The following KLHL5 variants were observed in gnomAD, a reference collection of about 807,000 sequenced individuals.
The protein encoded by KLHL5 is kelch-like protein 5.
In KLHL5, 48 loss-of-function variants were observed where a neutral mutation model predicts 77.7. The ratio of observed to expected loss-of-function variants is 0.62; its 90% CI spans 0.49 to 0.79. KLHL5 has a LOEUF of 0.79. Among genes scored for constraint, KLHL5 ranks in the 30% least tolerant of loss-of-function variants. The pLI, the probability that KLHL5 is intolerant of heterozygous loss-of-function variation, is 0.00. For synonymous variants in KLHL5, 260 were observed against 297.0 expected, an observed-to-expected ratio of 0.88 and a Z score of 1.28; for missense variants, 723 against 859.7, an observed-to-expected ratio of 0.84 and a Z score of 1.99.
chr4:39,054,388 G>A (rs1338666227), intron 1 of KLHL5, among the ~76,000 whole-genome samples: 2 of 152,218 alleles, frequency 1.3e-5, no homozygotes, highest in African/African-American at 4.8e-5. Context: ...TCTATAAGGA[G>A]TGGTGGGCTG....
the KLHL5 span, among the ~76,000 whole-genome samples, chr4:39,137,302 A>G: frequency 1.3e-5 from 2 of 151,988 alleles, no homozygotes; most frequent in African/African-American, 4.8e-5. Context: ...GAGAATAGCA[A>G]TAAACACACC....
chr4:39,101,943 CACACATAT>C (rs1414723588), intron 6 of KLHL5, among the ~76,000 whole-genome samples: 16 of 84,032 alleles, frequency 1.9e-4, no homozygotes, highest in East Asian at 4.3e-4. Context: ...CACATATATA[CACACATAT>C]ATATACACAC....
the KLHL5 span, among the ~76,000 whole-genome samples, chr4:39,132,531 C>T: frequency 1.3e-5 from 2 of 151,946 alleles, no homozygotes; most frequent in Admixed American, 1.3e-4. Flanking sequence ...CTCACTTGAG[C>T]CCAGGAGCAG....
chr4:39,110,438 A>C (rs1432994010), intron 8 of KLHL5, among the ~76,000 whole-genome samples: 2 of 152,102 alleles, frequency 1.3e-5, no homozygotes, highest in Admixed American at 6.6e-5. Context: ...GTTGAATCTC[A>C]AACAGTATCT....
At chr4:39,104,259 A>G (rs1721854438) in intron 7 of KLHL5, among the ~76,000 whole-genome samples, 2 of 152,188 alleles carry the variant, frequency 1.3e-5, no homozygotes, top group Admixed American at 6.5e-5. Flanking sequence ...TAAGGCAAAG[A>G]CACAGAGAAG....
chr4:39,101,890 A>G (rs1047544447), intron 6 of KLHL5, among the ~76,000 whole-genome samples: 2 of 145,478 alleles, frequency 1.4e-5, no homozygotes, highest in Non-Finnish European at 3.0e-5. Flanking sequence ...ACACACACAC[A>G]CACACATATA....
chr4:39,086,819 G>A (rs1720082926), intron 5 of KLHL5, 92 bp downstream of exon 5: 1 of 862,534 alleles, frequency 1.2e-6, no homozygotes, highest in Non-Finnish European at 1.8e-6. Flanking sequence ...ACGTGTAGGT[G>A]AAAAGATAGT....
At chr4:39,100,827 G>C (rs1721467463) in intron 6 of KLHL5, among the ~76,000 whole-genome samples, 1 of 152,012 alleles carries the variant, frequency 6.6e-6, no homozygotes, top group African/African-American at 2.4e-5. Context: ...GACCTATCCT[G>C]TTCAAGCTAT....
At chr4:39,055,219 A>G (rs892799139) in intron 1 of KLHL5, among the ~76,000 whole-genome samples, 1 of 152,230 alleles carries the variant, frequency 6.6e-6, no homozygotes, top group African/African-American at 2.4e-5. Flanking sequence ...TGCACATTAG[A>G]ATATTAATTA....
chr4:39,048,348 T>C (rs1250255213), intron 1 of KLHL5, among the ~76,000 whole-genome samples: 1 of 152,200 alleles, frequency 6.6e-6, no homozygotes, highest in East Asian at 1.9e-4. Flanking sequence ...TACAAAATGA[T>C]ACCATTCTGA....
intron 5 of KLHL5, among the ~76,000 whole-genome samples, chr4:39,088,884 A>G (rs1183615054): frequency 6.6e-6 from 1 of 152,152 alleles, no homozygotes; most frequent in African/African-American, 2.4e-5. Flanking sequence ...GCATGGCTGG[A>G]CTGCAGAAAT....
chr4:39,131,019 T>C (rs1473289001), downstream of KLHL5, among the ~76,000 whole-genome samples: 1 of 84,696 alleles, frequency 1.2e-5, no homozygotes, highest in African/African-American at 6.8e-5. Context: ...ATTTTTGTAT[T>C]TTTTTTTTTT....
intron 4 of KLHL5, among the ~76,000 whole-genome samples, chr4:39,086,280 A>C (rs916614403): frequency 1.3e-5 from 2 of 152,220 alleles, no homozygotes; most frequent in African/African-American, 4.8e-5. Flanking sequence ...TCCATTTTTT[A>C]AATGTAATAA....
In KLHL5 at chr4:39,069,729, CTT is replaced by C. The variant is rs1052670655; in HGVS notation, c.384-6235_384-6234del. ...GTGTTTTTAAAATAAAAATCTCAATCTTATTGTACATATTGTTTTGTAGCCTG... is the reference window on the plus strand; with the variant it reads ...GTGTTTTTAAAATAAAAATCTCAATCATTGTACATATTGTTTTGTAGCCTG... On this transcript the variant is annotated intron_variant, in intron 1 of 10. Transcript: ENST00000504108. Among the ~76,000 whole-genome samples the C allele has an allele frequency of 6.6e-5, 10 of 151,968 alleles. No homozygotes were observed. In the South Asian group the frequency reaches 2.1e-3, roughly 32 times the overall value.
intron 10 of KLHL5, among the ~76,000 whole-genome samples, chr4:39,117,490 C>T (rs1213682666): frequency 6.6e-6 from 1 of 152,074 alleles, no homozygotes; most frequent in African/African-American, 2.4e-5. Flanking sequence ...AGGATTGCTT[C>T]AGTTGCAAGG....
chr4:39,059,313 G>C (rs1293784119), upstream of KLHL5, among the ~76,000 whole-genome samples: 1 of 151,686 alleles, frequency 6.6e-6, no homozygotes, highest in Admixed American at 6.6e-5. Flanking sequence ...AAAAAAAAAG[G>C]GGCCTAAATA....
chr4:39,086,510 T>C lies in KLHL5; in HGVS notation c.901-5T>C. 1 of 1,610,432 alleles carries C rather than the reference T, an allele frequency of 6.2e-7. No homozygotes were observed. The highest frequency in any genetic ancestry group is 8.5e-7 in the Non-Finnish European group (1 of 1,176,724). Reference sequence around the variant, plus strand: ...TATTGTTTATCTGCTATTTCTTCCCTCTAGGAGCATTTCATGGAAGTAATC... The same window carrying C: ...TATTGTTTATCTGCTATTTCTTCCCCCTAGGAGCATTTCATGGAAGTAATC... On this transcript the variant is annotated splice_region_variant and splice_polypyrimidine_tract_variant and intron_variant, in intron 4 of 10. Coordinates refer to ENST00000504108, the MANE Select transcript of KLHL5 (RefSeq NM_015990.5).
intron 10 of KLHL5, among the ~76,000 whole-genome samples, chr4:39,117,625 G>T (rs145905752): frequency 6.6e-6 from 1 of 152,290 alleles, no homozygotes; most frequent in Non-Finnish European, 1.5e-5. Flanking sequence ...GGAAAGGAAT[G>T]ATGAGAGAAG....
At chr4:39,070,747 C>G (rs1439106611) in intron 1 of KLHL5, among the ~76,000 whole-genome samples, 1 of 152,172 alleles carries the variant, frequency 6.6e-6, no homozygotes, top group African/African-American at 2.4e-5. Flanking sequence ...GAAAAACGCC[C>G]TATAAATTTC....
Sources: allele counts gnomAD v4.1 joint callset (sites outside exome capture counted in the v4.1 genomes callset), GRCh38; gene constraint gnomAD v4.1.1; transcripts MANE v1.5; gene names NCBI Gene and HGNC (gene_info 2026-07-23, HGNC 2026-07-21).